The following ARB2A variants were observed in gnomAD, a reference collection of about 807,000 sequenced individuals.
The protein encoded by ARB2A is ARB2 cotranscriptional regulator A, also known as cotranscriptional regulator ARB2A.
chr5:93,626,861 T>C, the ARB2A span, among the ~76,000 whole-genome samples: 2 of 152,214 alleles, frequency 1.3e-5, no homozygotes, highest in Non-Finnish European at 1.5e-5. Flanking sequence ...GCTGCATTGA[T>C]TGACCCTTCC....
chr5:93,724,812 GTAA>G, the ARB2A span, among the ~76,000 whole-genome samples: 2 of 151,964 alleles, frequency 1.3e-5, no homozygotes, highest in Admixed American at 6.6e-5. Context: ...ACAACAGTAA[GTAA>G]TAATAAGATA....
the ARB2A span, among the ~76,000 whole-genome samples, chr5:93,689,697 CTTT>C: frequency 1.4e-5 from 2 of 146,498 alleles, no homozygotes; most frequent in Admixed American, 1.4e-4. Context: ...TGTTTTCTCT[CTTT>C]TTTTTTTTTG....
the ARB2A span, among the ~76,000 whole-genome samples, chr5:94,038,349 A>C: frequency 3.6e-3 from 549 of 152,184 alleles, 5 homozygotes; most frequent in Non-Finnish European, 6.2e-3. Context: ...ACACTAAAGT[A>C]CTAAAATGGT....
the ARB2A span, among the ~76,000 whole-genome samples, chr5:94,081,111 A>C: frequency 6.6e-6 from 1 of 152,360 alleles, no homozygotes; most frequent in Admixed American, 6.5e-5. Flanking sequence ...CATTATAAAA[A>C]TGCAAATCAA....
the ARB2A span, among the ~76,000 whole-genome samples, chr5:94,108,854 G>GA: frequency 3.3e-5 from 5 of 151,812 alleles, no homozygotes; most frequent in Admixed American, 1.3e-4. Context: ...TCAATTCCTC[G>GA]AAAAAAAGTA....
the ARB2A span, among the ~76,000 whole-genome samples, chr5:93,816,123 T>C: frequency 6.6e-6 from 1 of 152,196 alleles, no homozygotes; most frequent in Non-Finnish European, 1.5e-5. Flanking sequence ...CTTTTAAAAG[T>C]TAAATAGCTT....
the ARB2A span, among the ~76,000 whole-genome samples, chr5:93,812,025 C>T: frequency 6.6e-6 from 1 of 152,108 alleles, no homozygotes; most frequent in African/African-American, 2.4e-5. Context: ...ACTCTTAACA[C>T]AGTAATTGGA....
At chr5:93,951,170 T>C in the ARB2A span, among the ~76,000 whole-genome samples, 1 of 152,136 alleles carries the variant, frequency 6.6e-6, no homozygotes, top group Non-Finnish European at 1.5e-5. Context: ...CATTTTTTAA[T>C]TGGATTATTA....
chr5:94,063,533 G>C, the ARB2A span, among the ~76,000 whole-genome samples: 1 of 152,134 alleles, frequency 6.6e-6, no homozygotes, highest in African/African-American at 2.4e-5. Flanking sequence ...AGGCACACAA[G>C]TAAGCCACCT....
chr5:93,920,414 T>C, the ARB2A span, among the ~76,000 whole-genome samples: 2 of 152,124 alleles, frequency 1.3e-5, no homozygotes, highest in East Asian at 1.9e-4. Context: ...TTGAACAATA[T>C]GGGTTTGAAC....
chr5:93,658,061 T>A, the ARB2A span, among the ~76,000 whole-genome samples: 22 of 152,260 alleles, frequency 1.4e-4, no homozygotes, highest in South Asian at 4.6e-3. Flanking sequence ...GAAGGCTGGA[T>A]GGCCTTGCAT....
At chr5:94,088,556 T>G in the ARB2A span, among the ~76,000 whole-genome samples, 1 of 152,020 alleles carries the variant, frequency 6.6e-6, no homozygotes, top group Admixed American at 6.6e-5. Context: ...TGGCATGTGC[T>G]TGTAGTCCCA....
chr5:93,772,690 A>C, the ARB2A span, among the ~76,000 whole-genome samples: 1 of 152,168 alleles, frequency 6.6e-6, no homozygotes, highest in African/African-American at 2.4e-5. Context: ...AAAGAGCTCA[A>C]CTGGGGGAGA....
chr5:93,818,353 C>CA, the ARB2A span, among the ~76,000 whole-genome samples: 1 of 151,914 alleles, frequency 6.6e-6, no homozygotes, highest in African/African-American at 2.4e-5. Context: ...TGCAAATATG[C>CA]AAAAAGACTT....
the ARB2A span, among the ~76,000 whole-genome samples, chr5:94,054,160 T>C: frequency 5.9e-5 from 9 of 152,290 alleles, no homozygotes; most frequent in East Asian, 1.4e-3. Flanking sequence ...ATTAGTAACA[T>C]TTTATAACAT....
At chr5:93,665,133 G>A in the ARB2A span, among the ~76,000 whole-genome samples, 1 of 152,066 alleles carries the variant, frequency 6.6e-6, no homozygotes, top group South Asian at 2.1e-4. Context: ...GGCCTTCAAC[G>A]CATTTCTCAG....
At chr5:93,788,640 C>A in the ARB2A span, among the ~76,000 whole-genome samples, 1 of 152,204 alleles carries the variant, frequency 6.6e-6, no homozygotes, top group East Asian at 1.9e-4. Flanking sequence ...CAGAACTCCA[C>A]CATAAATGAC....
At chr5:93,707,159 T>C in the ARB2A span, among the ~76,000 whole-genome samples, 16 of 152,194 alleles carry the variant, frequency 1.1e-4, no homozygotes, top group South Asian at 2.1e-4. Flanking sequence ...CCAGAATTCA[T>C]TGGGAGGCTG....
the ARB2A span, among the ~76,000 whole-genome samples, chr5:93,776,732 C>A: frequency 1.3e-5 from 2 of 152,016 alleles, no homozygotes; most frequent in Admixed American, 6.5e-5. Context: ...GAGCTGAGAG[C>A]GTGCCATTGC....
Sources: gnomAD v4.1 joint callset for allele counts (sites outside exome capture counted in the v4.1 genomes callset) on GRCh38, gnomAD v4.1.1 for gene constraint, MANE v1.5 for transcripts, NCBI Gene and HGNC (gene_info 2026-07-23, HGNC 2026-07-21) for gene names.